The following LGR6 variants were observed in gnomAD, a reference collection of about 807,000 sequenced individuals.
LGR6 encodes leucine rich repeat containing G protein-coupled receptor 6.
Under a neutral mutation model 69.4 loss-of-function variants are expected in LGR6, and 45 were observed. The ratio of observed to expected loss-of-function variants is 0.65; its 90% CI spans 0.51 to 0.83. The LOEUF (loss-of-function observed/expected upper bound fraction) is 0.83, where lower values mean the gene tolerates loss of function less well. LGR6 is among the 40% of genes least tolerant of loss of function. LGR6 has a pLI of 0.00. For synonymous variants in LGR6, 538 were observed against 555.0 expected (o/e 0.97, Z 0.43); for missense variants, 1,108 against 1,246.7 (o/e 0.89, Z 1.68).
intron 17 of LGR6, among the ~76,000 whole-genome samples, chr1:202,317,339 G>GT (rs143394771): frequency 0.34 from 42,895 of 127,974 alleles, 7,012 homozygotes; most frequent in East Asian, 0.66. Context: ...GTGTTTTTTT[G>GT]TTTTTTTTTT....
intron 1 of LGR6, among the ~76,000 whole-genome samples, chr1:202,205,157 C>CA (rs200182472): frequency 1.5e-5 from 1 of 68,598 alleles, no homozygotes; most frequent in Non-Finnish European, 2.7e-5. Flanking sequence ...CCTCCACACA[C>CA]ACCTAACACA....
In LGR6 at chr1:202,214,121, C is replaced by T. The variant is rs200974439; in HGVS notation, c.213-11302C>T. The T allele has an allele frequency of 1.8e-5, 26 of 1,460,098 alleles. No homozygotes were observed. The Admixed American group carries it at 4.6e-4, about 26-fold the overall frequency. 90.4% of individuals were successfully genotyped at this position (1,460,098 alleles called of 1,614,324 possible). On this transcript the variant is annotated intron_variant, in intron 1 of 17. Transcript: ENST00000367278. ...GCGCGGAGGGTGGCGGGCACTGGACCGCAGAACTGGCACTCGAGGTCCCAG... is the reference window on the plus strand; with the variant it reads ...GCGCGGAGGGTGGCGGGCACTGGACTGCAGAACTGGCACTCGAGGTCCCAG...
chr1:202,210,640 C>A (rs1026797847), intron 1 of LGR6: 2 of 152,202 alleles, frequency 1.3e-5, no homozygotes, highest in African/African-American at 4.8e-5. Context: ...CAGCTCGTGG[C>A]CAGGCTTGGG....
chr1:202,314,938 C>G, intron 17 of LGR6, 56 bp downstream of exon 17: 1 of 1,290,126 alleles, frequency 7.8e-7, no homozygotes, highest in South Asian at 1.2e-5. Flanking sequence ...GGCACCCAAC[C>G]ACCTAGTTGA....
intron 4 of LGR6, among the ~76,000 whole-genome samples, chr1:202,249,491 C>T (rs558838154): frequency 2.6e-5 from 4 of 152,304 alleles, no homozygotes; most frequent in Non-Finnish European, 5.9e-5. Context: ...TGATGGTTCT[C>T]AAGTCTTAGC....
chr1:202,229,146 A>C (rs1343646687), intron 3 of LGR6, among the ~76,000 whole-genome samples: 2 of 151,694 alleles, frequency 1.3e-5, no homozygotes, highest in African/African-American at 4.8e-5. Flanking sequence ...CAAGTTCAAC[A>C]CTCCACATCT....
intron 16 of LGR6, 73 bp downstream of exon 16, chr1:202,310,430 G>GA: frequency 6.9e-7 from 1 of 1,440,944 alleles, no homozygotes; most frequent in Non-Finnish European, 9.5e-7. Flanking sequence ...ATGCTTGGGG[G>GA]ACCTGAGAGG....
rs764058834 is a variant in LGR6 at position 202,310,261 on chromosome 1, G to T, written c.1471G>T (p.Ala491Ser). Reference sequence around the variant, plus strand: ...TGGGATGTGTGCCAGCTTCTTCAAGGCCTCTGGGCAGTGGGAGGCTGAAGA... The same window carrying T: ...TGGGATGTGTGCCAGCTTCTTCAAGTCCTCTGGGCAGTGGGAGGCTGAAGA... ...PYGMCASFFK[A>S]SGQWEAEDLH... is the part of the protein sequence containing the mutation. Residue 491 changes from alanine to serine, a missense_variant, in exon 16 of 18, where the codon GCC becomes TCC. By Grantham distance (99) the Ala-to-Ser change is moderately conservative. Coordinates refer to ENST00000367278, the MANE Select transcript of LGR6 (RefSeq NM_001017403.2). 5 of 1,614,020 alleles carry T rather than the reference G, an allele frequency of 3.1e-6. No homozygotes were observed. Among genetic ancestry groups the T allele is most frequent in the African/African-American group, 1.3e-5 (1 of 74,896 alleles).
chr1:202,238,928 G>C (rs1484917988), intron 4 of LGR6, among the ~76,000 whole-genome samples: 1 of 152,174 alleles, frequency 6.6e-6, no homozygotes, highest in Non-Finnish European at 1.5e-5. Context: ...CAGCTAACAC[G>C]AAGCGGTGCG....
intron 4 of LGR6, among the ~76,000 whole-genome samples, chr1:202,259,220 G>A (rs1164193092): frequency 6.6e-6 from 1 of 152,048 alleles, no homozygotes; most frequent in Non-Finnish European, 1.5e-5. Context: ...ATGGGCTATA[G>A]CTTGTTTTCT....
chr1:202,251,379 G>A (rs1474523933), intron 4 of LGR6, among the ~76,000 whole-genome samples: 1 of 152,210 alleles, frequency 6.6e-6, no homozygotes, highest in East Asian at 1.9e-4. Context: ...TGCTATATGA[G>A]GATGATCTAT....
intron 4 of LGR6, among the ~76,000 whole-genome samples, chr1:202,241,562 G>C (rs1325713398): frequency 2.6e-5 from 4 of 152,174 alleles, no homozygotes; most frequent in African/African-American, 4.8e-5. Flanking sequence ...AGTTTGGGAG[G>C]GGGGAGAATG....
In LGR6 at chr1:202,304,669, C is replaced by T. The variant is rs188507944; in HGVS notation, c.1070+39C>T. 70 of 1,520,760 alleles carry T rather than the reference C, an allele frequency of 4.6e-5. No homozygotes were observed. In the East Asian group the frequency reaches 1.5e-3, roughly 33 times the overall value. The allele number at this position is 1,520,760 out of a possible 1,614,324, so 94.2% of individuals were successfully genotyped here. A position where few individuals can be genotyped will look rare whatever the true frequency, so the allele number is the denominator to read the frequency against. On this transcript the variant is annotated intron_variant, in intron 11 of 17. Coordinates refer to ENST00000367278, the MANE Select transcript of LGR6 (RefSeq NM_001017403.2). ...AGAATTCTACAGTCTTGGCATTGTG[C>T]CCCTACCCCCATGTCCCACAAAAGG...
intron 16 of LGR6, among the ~76,000 whole-genome samples, chr1:202,312,845 C>T (rs570289657): frequency 7.5e-4 from 114 of 152,164 alleles, no homozygotes; most frequent in African/African-American, 2.6e-3. Context: ...TTTCAAAATT[C>T]GTATAGAATT....
intron 1 of LGR6, among the ~76,000 whole-genome samples, chr1:202,224,644 GA>G (rs1660385151): frequency 6.6e-6 from 1 of 152,182 alleles, no homozygotes; most frequent in Non-Finnish European, 1.5e-5. Flanking sequence ...ATGCAACCTA[GA>G]CCCCTCGCAT....
intron 4 of LGR6, among the ~76,000 whole-genome samples, chr1:202,259,902 CT>C (rs1664082305): frequency 6.6e-6 from 1 of 152,210 alleles, no homozygotes; most frequent in African/African-American, 2.4e-5. Flanking sequence ...TGCCTCCCGG[CT>C]GTCAGCAATC....
At chr1:202,309,283 G>A (rs894469369) in intron 15 of LGR6, 107 bp downstream of exon 15, 1 of 1,378,262 alleles carries the variant, frequency 7.3e-7, no homozygotes, top group Non-Finnish European at 9.8e-7. Flanking sequence ...GAGGCTTAGG[G>A]TTTGACCAAG....
chr1:202,280,705 GCCA>G (rs1665934846), intron 5 of LGR6, 73 bp from the exon 6 acceptor site: 1 of 1,278,260 alleles, frequency 7.8e-7, no homozygotes, highest in Non-Finnish European at 1.1e-6. Flanking sequence ...CTTTCCCCAT[GCCA>G]CCATGTGCTC....
intron 6 of LGR6, among the ~76,000 whole-genome samples, chr1:202,295,456 T>C (rs1571984826): frequency 6.6e-6 from 1 of 152,162 alleles, no homozygotes; most frequent in Non-Finnish European, 1.5e-5. Flanking sequence ...GAACACCTGC[T>C]TTTGGAACCT....
Sources: allele counts gnomAD v4.1 joint callset (sites outside exome capture counted in the v4.1 genomes callset), GRCh38; gene constraint gnomAD v4.1.1; transcripts MANE v1.5; gene names NCBI Gene and HGNC (gene_info 2026-07-23, HGNC 2026-07-21).